Variants in APOOL observed in about 807,000 individuals in gnomAD.
The protein encoded by APOOL is MICOS complex subunit MIC27.
In APOOL, 12 loss-of-function variants were observed where a neutral mutation model predicts 23.1. The ratio of observed to expected loss-of-function variants is 0.52; its 90% CI spans 0.33 to 0.84. APOOL has a LOEUF of 0.84. APOOL is among the 40% of genes least tolerant of loss of function. The pLI is 0.02. For synonymous variants in APOOL, 77 were observed against 69.9 expected, an observed-to-expected ratio of 1.10 and a Z score of -0.51; for missense variants, 212 against 199.6, an observed-to-expected ratio of 1.06 and a Z score of -0.37.
Position 85,038,117 on chromosome X carries a change from C to T in APOOL, c.16-8329C>T, listed in dbSNP as rs752403417. Among the ~76,000 whole-genome samples the T allele has an allele frequency of 3.7e-4, 41 of 111,179 alleles. No homozygotes were observed. The South Asian group carries it at 0.011, about 31-fold the overall frequency. On this transcript the variant is annotated intron_variant, in intron 1 of 8. Transcript: ENST00000373173. ...TGAATTTTACTGAAATCCTTTTTTG[C>T]GTCTATTAAGAGGATCATAGGGTCT...
chrX:85,011,067 G>A (rs1469020717), intron 1 of APOOL, among the ~76,000 whole-genome samples: 1 of 111,152 alleles, frequency 9.0e-6, no homozygotes, highest in Non-Finnish European at 1.9e-5. Flanking sequence ...ATCGTATTGT[G>A]GTTTTAATTT....
At chrX:85,007,068 G>T (rs1268968305) in intron 1 of APOOL, among the ~76,000 whole-genome samples, 1 of 111,711 alleles carries the variant, frequency 9.0e-6, no homozygotes, top group African/African-American at 3.3e-5. Flanking sequence ...TCACATTGGA[G>T]GTCTGTATCT....
rs1924371887 is a variant in APOOL, at chrX:85,087,934, TA to T, written c.*258del. The T allele has an allele frequency of 5.1e-6, 1 of 196,329 alleles. No homozygotes were observed. The highest frequency in any genetic ancestry group is 9.3e-6 in the Non-Finnish European group (1 of 107,644). 16.2% of individuals were successfully genotyped at this position (196,329 alleles called of 1,213,427 possible). A position where few individuals can be genotyped will look rare whatever the true frequency, so the allele number is the denominator to read the frequency against. ...GTATTAGCTTGCATTTGATGACCTT[TA>T]AGGGCACTTAAAAAAAAATGAAGAC... On this transcript the variant is annotated 3_prime_UTR_variant, in exon 9 of 9. Transcript: ENST00000373173.
intron 8 of APOOL, among the ~76,000 whole-genome samples, chrX:85,083,495 A>G (rs1924185278): frequency 8.9e-6 from 1 of 111,766 alleles, no homozygotes; most frequent in Non-Finnish European, 1.9e-5. Flanking sequence ...ACAGCAGACT[A>G]TTTACCAGAA....
intron 2 of APOOL, among the ~76,000 whole-genome samples, chrX:85,046,928 G>T (rs1922595615): frequency 9.0e-6 from 1 of 111,187 alleles, no homozygotes; most frequent in South Asian, 3.8e-4. Flanking sequence ...ATGTTTTCTA[G>T]ATCAACCTTC....
chrX:85,033,612 A>G (rs1035244885), intron 1 of APOOL, among the ~76,000 whole-genome samples: 2 of 112,122 alleles, frequency 1.8e-5, no homozygotes, highest in South Asian at 7.4e-4. Context: ...AGCCAAAAGC[A>G]TCTTAAATAA....
Position 85,074,027 on chromosome X carries a change from C to T in APOOL, c.516C>T (p.Ser172=). The part of the protein sequence containing the change: ...KVTAKKVYAT[S]QQIFGAVKSL... ...CAGCAAAAAAGGTATATGCTACAAG[C>T]CAGCAAATTTTTGGAGCAGTTAAAT... The change falls in exon 7 of 9, where the codon AGC becomes AGT. Residue 172 remains serine, a synonymous_variant. Transcript: ENST00000373173. 2.6e-6 allele frequency: 3 copies of T among 1,168,734 alleles called. No individual in the cohort carries two copies. Among genetic ancestry groups the T allele is most frequent in the Non-Finnish European group, 2.3e-6 (2 of 873,725 alleles).
chrX:85,012,909 G>A (rs1423513394), intron 1 of APOOL, among the ~76,000 whole-genome samples: 1 of 111,783 alleles, frequency 8.9e-6, no homozygotes, highest in African/African-American at 3.3e-5. Context: ...AATAGTTTCA[G>A]TAGGATTGGT....
At chrX:85,071,696 C>A (rs1236671387) in intron 6 of APOOL, among the ~76,000 whole-genome samples, 1 of 111,764 alleles carries the variant, frequency 8.9e-6, no homozygotes, top group African/African-American at 3.3e-5. Context: ...AAAATTAATA[C>A]ATTTCTGTAG....
Position 85,059,051 on chromosome X carries a change from C to T in APOOL, c.394+3126C>T, listed in dbSNP as rs772375764. ...CCGCCCCCCACCCCACAACAGTCCC[C>T]AGAGTTTGATGTTCCCCTTCCTGTG... On this transcript the variant is annotated intron_variant, in intron 5 of 8. Coordinates refer to ENST00000373173, the MANE Select transcript of APOOL (RefSeq NM_198450.6). Among the ~76,000 whole-genome samples, 424 of 84,597 alleles carry T rather than the reference C, an allele frequency of 5.0e-3. 1 individual carries two copies. The highest frequency in any genetic ancestry group is 0.018 in the African/African-American group (398 of 22,283). 73.5% of individuals were successfully genotyped at this position (84,597 alleles called of 115,157 possible).
chrX:85,045,491 G>A (rs1454374968), intron 1 of APOOL, among the ~76,000 whole-genome samples: 2 of 111,770 alleles, frequency 1.8e-5, no homozygotes, highest in Non-Finnish European at 3.8e-5. Flanking sequence ...ATTCTTCCAG[G>A]TGTTGCACAA....
intron 1 of APOOL, among the ~76,000 whole-genome samples, chrX:85,026,050 A>G: frequency 8.8e-6 from 1 of 113,382 alleles, no homozygotes; most frequent in East Asian, 2.8e-4. Flanking sequence ...GCCTCAGTAC[A>G]GAGGCTTTCT....
At chrX:85,064,314 G>T (rs1271767135) in intron 5 of APOOL, among the ~76,000 whole-genome samples, 4 of 86,286 alleles carry the variant, frequency 4.6e-5, no homozygotes, top group Non-Finnish European at 7.0e-5. Flanking sequence ...GTTGTTTTTT[G>T]TTTTTTTCAA....
intron 1 of APOOL, among the ~76,000 whole-genome samples, chrX:85,030,179 A>C (rs1375644183): frequency 8.9e-6 from 1 of 112,421 alleles, no homozygotes; most frequent in Non-Finnish European, 1.9e-5. Flanking sequence ...TCAGCCATTA[A>C]AAGAAATGAA....
intron 8 of APOOL, among the ~76,000 whole-genome samples, chrX:85,083,994 A>T (rs1456682753): frequency 9.0e-6 from 1 of 111,347 alleles, no homozygotes; most frequent in African/African-American, 3.3e-5. Context: ...CATCATGATG[A>T]TTAGGGCATT....
At chrX:85,049,022 C>G (rs2147645709) in intron 2 of APOOL, among the ~76,000 whole-genome samples, 1 of 111,150 alleles carries the variant, frequency 9.0e-6, no homozygotes, top group African/African-American at 3.3e-5. Flanking sequence ...TTTAAAATCC[C>G]TCTATGAGAT....
chrX:85,025,304 C>T (rs191553139), intron 1 of APOOL, among the ~76,000 whole-genome samples: 151 of 111,904 alleles, frequency 1.3e-3, no homozygotes, highest in African/African-American at 4.6e-3. Flanking sequence ...CACTAGGTCT[C>T]GCATTCAGCA....
rs781557202 is a variant in APOOL, at chrX:85,088,151, AATAC to A, written c.*481_*484del. On this transcript the variant is annotated 3_prime_UTR_variant, in exon 9 of 9. Transcript: ENST00000373173. ...ATACATATTTATACATATATGTATA[AATAC>A]ATACATATTTATACATATATGTATA... 0.12 allele frequency: 247 copies of A among 2,000 alleles called. 21 individuals are homozygous for A. Among genetic ancestry groups the A allele is most frequent in the African/African-American group, 0.2 (218 of 1,067 alleles). 0.2% of individuals were successfully genotyped at this position (2,000 alleles called of 1,213,427 possible).
intron 5 of APOOL, among the ~76,000 whole-genome samples, chrX:85,063,428 C>T (rs765690852): frequency 9.0e-6 from 1 of 111,524 alleles, no homozygotes; most frequent in Non-Finnish European, 1.9e-5. Context: ...GAGAGGGCAT[C>T]CTTGTCTTGT....
Sources: gnomAD v4.1 joint callset for allele counts (sites outside exome capture counted in the v4.1 genomes callset) on GRCh38, gnomAD v4.1.1 for gene constraint, MANE v1.5 for transcripts, NCBI Gene and HGNC (gene_info 2026-07-23, HGNC 2026-07-21) for gene names.